Variants in PSMA6 observed in about 807,000 individuals in gnomAD.
PSMA6 encodes proteasome subunit alpha type-6.
For missense variants in PSMA6, 170 were observed against 294.8 expected (o/e 0.58, Z 3.10); for synonymous variants, 88 against 97.7 (o/e 0.90, Z 0.59).
At chr14:35,290,873 T>TA (rs1292220721), upstream of PSMA6, among the ~76,000 whole-genome samples, 1 of 152,252 alleles carries the variant, frequency 6.6e-6, no homozygotes, top group Admixed American at 6.5e-5. Flanking sequence ...AGCTTGGAAT[T>TA]ACTCTCATTA....
chr14:35,304,597 G>A (rs1205916472), intron 1 of PSMA6, among the ~76,000 whole-genome samples: 2 of 152,074 alleles, frequency 1.3e-5, no homozygotes, highest in African/African-American at 4.8e-5. Flanking sequence ...GGGCGTGGTT[G>A]TGCACACCTG....
chr14:35,294,339 A>T (rs2051542115), intron 1 of PSMA6, among the ~76,000 whole-genome samples: 2 of 152,232 alleles, frequency 1.3e-5, no homozygotes, highest in South Asian at 4.1e-4. Flanking sequence ...ACCAGCCTAG[A>T]CAGAATGATT....
intron 1 of PSMA6, chr14:35,293,085 TA>T: frequency 2.3e-6 from 1 of 440,898 alleles, no homozygotes; most frequent in Non-Finnish European, 4.5e-6. Flanking sequence ...GAGTGACAGA[TA>T]CGTTAAACAA....
Position 35,314,395 on chromosome 14 carries a change from T to C in PSMA6, c.623T>C (p.Ile208Thr). The change falls in exon 6 of 7, where the codon ATT becomes ACT. Residue 208 changes from isoleucine to threonine, a missense_variant. Physicochemically the swap from Ile to Thr is moderately conservative, Grantham distance 89. Transcript: ENST00000261479. ...ACATGCCTGTCTACTGTTCTATCAATTGATTTCAAACCTTCAGAAATAGAA... is the reference window on the plus strand; with the variant it reads ...ACATGCCTGTCTACTGTTCTATCAACTGATTTCAAACCTTCAGAAATAGAA... Reference protein sequence around the residue: ...AITCLSTVLSIDFKPSEIEVG... With the variant: ...AITCLSTVLSTDFKPSEIEVG... 1 of 1,612,104 alleles carries C rather than the reference T, an allele frequency of 6.2e-7. No individual in the cohort carries two copies. Among genetic ancestry groups the C allele is most frequent in the Non-Finnish European group, 8.5e-7 (1 of 1,178,746 alleles).
chr14:35,312,847 T>C (rs1477361618), intron 4 of PSMA6, 34 bp from the exon 5 acceptor site: 9 of 1,547,036 alleles, frequency 5.8e-6, no homozygotes, highest in Non-Finnish European at 7.8e-6. Context: ...TGTATAAAGC[T>C]AAAACATTTA....
intron 1 of PSMA6, among the ~76,000 whole-genome samples, chr14:35,303,673 C>A (rs2051763381): frequency 6.6e-6 from 1 of 152,156 alleles, no homozygotes; most frequent in Non-Finnish European, 1.5e-5. Flanking sequence ...GGATCAGAAT[C>A]AAGAAGCACT....
chr14:35,291,785 T>C (rs1164049672), upstream of PSMA6, among the ~76,000 whole-genome samples: 1 of 138,808 alleles, frequency 7.2e-6, no homozygotes, highest in East Asian at 2.1e-4. Flanking sequence ...ATCGCGCCAT[T>C]GCACTCCAGC....
At chr14:35,287,428 T>TTTATTCCCTGGCTCACTGAA (rs2051431690), upstream of PSMA6, among the ~76,000 whole-genome samples, 1 of 152,218 alleles carries the variant, frequency 6.6e-6, no homozygotes, top group African/African-American at 2.4e-5. Flanking sequence ...CTTCTTTTTT[T>TTTATTCCCTGGCTCACTGAA]TTATTCCCTG....
chr14:35,297,236 G>T (rs923736021), intron 1 of PSMA6, among the ~76,000 whole-genome samples: 2 of 149,898 alleles, frequency 1.3e-5, no homozygotes, highest in African/African-American at 2.5e-5. Context: ...TTTTGGGGGG[G>T]ATTGAGTCTC....
chr14:35,283,891 T>C lies in PSMA6; in HGVS notation c.19+5173T>C, dbSNP rs191824478. Among the ~76,000 whole-genome samples the C allele has an allele frequency of 1.1e-3, 167 of 152,276 alleles. 1 individual carries two copies. Among genetic ancestry groups the C allele is most frequent in the African/African-American group, 3.7e-3 (154 of 41,544 alleles). On this transcript the variant is annotated intron_variant, in intron 1 of 6. Coordinates refer to the PSMA6 transcript ENST00000540871. ...CCAGCCTTTACAAATTTTTTGCAGA[T>C]AATCTCTTCTTTCCATTCCTATTGC...
intron 6 of PSMA6, chr14:35,316,083 A>C (rs1441944886): frequency 6.6e-6 from 1 of 152,194 alleles, no homozygotes; most frequent in Non-Finnish European, 1.5e-5. Context: ...GGCAAACATC[A>C]TTTAGAAAAT....
At chr14:35,315,392 A>G (rs1254667356) in intron 6 of PSMA6, 1 of 150,202 alleles carries the variant, frequency 6.7e-6, no homozygotes, top group Non-Finnish European at 1.5e-5. Context: ...AATTCATAGG[A>G]CTTTAAAAAA....
At chr14:35,300,274 G>C (rs187981445) in intron 1 of PSMA6, among the ~76,000 whole-genome samples, 4,853 of 152,144 alleles carry the variant, frequency 0.032, 261 homozygotes, top group African/African-American at 0.11. Flanking sequence ...TTCGAAACTA[G>C]CCTGGACAAA....
At chr14:35,284,403 T>C (rs531968925) in intron 1 of PSMA6, among the ~76,000 whole-genome samples, 15 of 152,236 alleles carry the variant, frequency 9.9e-5, no homozygotes, top group African/African-American at 3.6e-4. Context: ...CCCGTGAGCA[T>C]ATAAGGTCAT....
intron 1 of PSMA6, among the ~76,000 whole-genome samples, chr14:35,282,475 G>T (rs1594371790): frequency 6.6e-6 from 1 of 151,856 alleles, no homozygotes; most frequent in Non-Finnish European, 1.5e-5. Flanking sequence ...TTCCCAGGCT[G>T]GTCCTGAACT....
intron 3 of PSMA6, 85 bp from the exon 4 acceptor site, chr14:35,310,655 G>T: frequency 7.1e-7 from 1 of 1,408,358 alleles, no homozygotes; most frequent in African/African-American, 1.4e-5. Context: ...TCTATATGGT[G>T]GGAAAATTGC....
At chr14:35,308,671 A>G (rs1370100668) in intron 2 of PSMA6, 1 of 393,594 alleles carries the variant, frequency 2.5e-6, no homozygotes, top group African/African-American at 2.1e-5. Flanking sequence ...ACAAATTTTT[A>G]TTAAGCTATT....
At position 35,314,550 on chromosome 14, in the gene PSMA6, C is replaced by T. The variant is rs571273015; in HGVS notation, c.683+95C>T. 5.8e-5 allele frequency: 79 copies of T among 1,356,310 alleles called. 1 individual carries two copies. The Middle Eastern group carries it at 5.4e-3, about 93-fold the overall frequency. The allele number at this position is 1,356,310 out of a possible 1,614,324, so 84.0% of individuals were successfully genotyped here. On this transcript the variant is annotated intron_variant, in intron 6 of 6. Transcript: ENST00000261479. ...TGTGGGGGAAATCTTTTTTCTTTAA[C>T]TGTCATTATAGTTTTTGTTTGTGTG...
chr14:35,285,437 A>G (rs2051413308), intron 1 of PSMA6, among the ~76,000 whole-genome samples: 1 of 152,164 alleles, frequency 6.6e-6, no homozygotes, highest in Admixed American at 6.5e-5. Flanking sequence ...AGTGACTGAA[A>G]ATATTGGTCA....
Sources: gnomAD v4.1 joint callset for allele counts (sites outside exome capture counted in the v4.1 genomes callset) on GRCh38, gnomAD v4.1.1 for gene constraint, MANE v1.5 for transcripts, NCBI Gene and HGNC (gene_info 2026-07-23, HGNC 2026-07-21) for gene names.